The following OPA3 variants were observed in gnomAD, a reference collection of about 807,000 sequenced individuals.
The protein encoded by OPA3 is optic atrophy 3 protein.
A neutral mutation model predicts 4.0 loss-of-function variants in OPA3; 6 were observed. The observed-to-expected ratio is 1.51, with a 90% confidence interval of 0.83 to 2.99. OPA3 has a LOEUF of 2.99. OPA3 is among the 30% of genes most tolerant of loss of function. The probability of loss-of-function intolerance (pLI) is 0.00; values close to 1 mark genes in which losing one functional copy is unlikely to be tolerated. For synonymous variants in OPA3, 105 were observed against 117.1 expected, an observed-to-expected ratio of 0.90 and a Z score of 0.67; for missense variants, 235 against 256.2, an observed-to-expected ratio of 0.92 and a Z score of 0.56.
Position 45,533,851 on chromosome 19 carries a change from C to T in OPA3, c.143-4395G>A, listed in dbSNP as rs1199061637. On this transcript the variant is annotated intron_variant, in intron 1 of 1. Transcript: ENST00000323060. ...CTCCATGCTTCTCCCCGAAAGAAGG[C>T]ACCATAGCCACCATTAAGCAGTGGG... Among the ~76,000 whole-genome samples, 4 of 152,354 alleles carry T rather than the reference C, an allele frequency of 2.6e-5. No homozygotes were observed. The East Asian group carries it at 7.7e-4, about 29-fold the overall frequency.
intron 1 of OPA3, among the ~76,000 whole-genome samples, chr19:45,581,144 T>G (rs1310167427): frequency 6.6e-6 from 1 of 152,106 alleles, no homozygotes; most frequent in Non-Finnish European, 1.5e-5. Flanking sequence ...AAAACAGTTG[T>G]GGGGGTCAAA....
chr19:45,549,134 T>C lies in OPA3; in HGVS notation c.*4380A>G. 1 of 985,302 alleles carries C rather than the reference T, an allele frequency of 1.0e-6. No individual in the cohort carries two copies. Among genetic ancestry groups the C allele is most frequent in the Non-Finnish European group, 1.2e-6 (1 of 829,898 alleles). 61.0% of individuals were successfully genotyped at this position (985,302 alleles called of 1,614,324 possible). On this transcript the variant is annotated 3_prime_UTR_variant, in exon 2 of 2. Coordinates refer to ENST00000263275, the MANE Select transcript of OPA3 (RefSeq NM_025136.4). ...GGACTTTTTAAATATGAAAAAAGAATGCATCAACTTGAAGATAATCAGCTT... is the reference window on the plus strand; with the variant it reads ...GGACTTTTTAAATATGAAAAAAGAACGCATCAACTTGAAGATAATCAGCTT...
chr19:45,540,637 G>A (rs1969175468), intron 1 of OPA3, among the ~76,000 whole-genome samples: 1 of 151,332 alleles, frequency 6.6e-6, no homozygotes, highest in African/African-American at 2.4e-5. Context: ...AGGCTGAGGC[G>A]GGCGGATCAC....
chr19:45,529,160 G>C (rs1208436532), exon 2 of OPA3: 1 of 1,609,790 alleles, frequency 6.2e-7, no homozygotes, highest in Non-Finnish European at 8.5e-7. Flanking sequence ...TCCAGGGCGA[G>C]CTGCGTCGAC....
At chr19:45,545,466 G>A (rs1366769308), downstream of OPA3, among the ~76,000 whole-genome samples, 1 of 151,862 alleles carries the variant, frequency 6.6e-6, no homozygotes, top group Non-Finnish European at 1.5e-5. Context: ...GGGAGGCTGA[G>A]GCTGCAGTGA....
At chr19:45,577,425 AGCAGTGTGAAGAC>A in intron 1 of OPA3, among the ~76,000 whole-genome samples, 1 of 152,342 alleles carries the variant, frequency 6.6e-6, no homozygotes, top group South Asian at 2.1e-4. Flanking sequence ...AAGGGCAATC[AGCAGTGTGAAGAC>A]ACTAATGATG....
At chr19:45,559,214 A>G (rs1363422009) in intron 1 of OPA3, among the ~76,000 whole-genome samples, 10 of 151,734 alleles carry the variant, frequency 6.6e-5, no homozygotes, top group Admixed American at 4.6e-4. Flanking sequence ...ATCTTAACCT[A>G]TAATTTTCCT....
chr19:45,579,989 CTTTTTTTTTTTCT>C (rs1969822902), intron 1 of OPA3, among the ~76,000 whole-genome samples: 1 of 121,144 alleles, frequency 8.3e-6, no homozygotes, highest in South Asian at 2.6e-4. Context: ...CATTTTCTTT[CTTTTTTTTTTTCT>C]TTTTTTTTTT....
At chr19:45,577,198 T>C (rs1969781973) in intron 1 of OPA3, among the ~76,000 whole-genome samples, 1 of 152,242 alleles carries the variant, frequency 6.6e-6, no homozygotes, top group Non-Finnish European at 1.5e-5. Flanking sequence ...CGATGATTTA[T>C]GCTTCTAGCA....
chr19:45,560,686 C>T (rs1969489394), intron 1 of OPA3, among the ~76,000 whole-genome samples: 1 of 152,128 alleles, frequency 6.6e-6, no homozygotes, highest in Non-Finnish European at 1.5e-5. Context: ...TTCCTAAGCC[C>T]TTTTCTCACT....
chr19:45,578,554 G>A (rs976270722), intron 1 of OPA3, among the ~76,000 whole-genome samples: 32 of 152,198 alleles, frequency 2.1e-4, no homozygotes, highest in Middle Eastern at 6.8e-3. Context: ...CGGGCCAGGC[G>A]TGGTGGCTCA....
chr19:45,554,871 A>G (rs1969397246), intron 1 of OPA3, among the ~76,000 whole-genome samples: 3 of 151,844 alleles, frequency 2.0e-5, no homozygotes, highest in African/African-American at 7.3e-5. Context: ...GCTCACTGCA[A>G]CCTCCTCCTC....
At chr19:45,572,339 C>A (rs1969683152) in intron 1 of OPA3, among the ~76,000 whole-genome samples, 1 of 129,470 alleles carries the variant, frequency 7.7e-6, no homozygotes, top group Non-Finnish European at 1.6e-5. Flanking sequence ...CGATATATAT[C>A]TCATATATAT....
chr19:45,581,438 C>T (rs1969854289), intron 1 of OPA3, among the ~76,000 whole-genome samples: 1 of 152,194 alleles, frequency 6.6e-6, no homozygotes, highest in Non-Finnish European at 1.5e-5. Context: ...GTCTCCTCTG[C>T]CAGGAAGCCC....
At chr19:45,533,646 C>T (rs1157560067) in intron 1 of OPA3, among the ~76,000 whole-genome samples, 1 of 152,114 alleles carries the variant, frequency 6.6e-6, no homozygotes, top group Admixed American at 6.5e-5. Context: ...TACTCCAGGG[C>T]AGGCCAGGCC....
At chr19:45,563,155 T>C (rs560904429) in intron 1 of OPA3, among the ~76,000 whole-genome samples, 1 of 152,278 alleles carries the variant, frequency 6.6e-6, no homozygotes, top group South Asian at 2.1e-4. Context: ...TAGTGTATGA[T>C]AACAATTTTT....
At chr19:45,572,543 T>G (rs1308981610) in intron 1 of OPA3, among the ~76,000 whole-genome samples, 4 of 137,528 alleles carry the variant, frequency 2.9e-5, no homozygotes, top group South Asian at 2.2e-4. Context: ...TATCATATGA[T>G]ATATATATCA....
rs1969301640 is a variant in OPA3, at chr19:45,549,536, A to G, written c.*3978T>C. The G allele has an allele frequency of 1.0e-6, 1 of 964,588 alleles. No individual in the cohort carries two copies. Among genetic ancestry groups the G allele is most frequent in the South Asian group, 4.8e-5 (1 of 20,858 alleles). The allele number at this position is 964,588 out of a possible 1,614,324, so 59.8% of individuals were successfully genotyped here. A position where few individuals can be genotyped will look rare whatever the true frequency, so the allele number is the denominator to read the frequency against. On this transcript the variant is annotated 3_prime_UTR_variant, in exon 2 of 2. Coordinates refer to ENST00000263275, the MANE Select transcript of OPA3 (RefSeq NM_025136.4). ...CACTCTGTCACCCAGGCTGGAGTGC[A>G]GTGGCGCGATCTCAGCTCACTGCAA...
chr19:45,543,747 G>A (rs574680754), downstream of OPA3, among the ~76,000 whole-genome samples: 13 of 152,318 alleles, frequency 8.5e-5, no homozygotes, highest in South Asian at 2.5e-3. Flanking sequence ...GATTACAGGT[G>A]TGAACACTGC....
Sources: allele counts gnomAD v4.1 joint callset (sites outside exome capture counted in the v4.1 genomes callset), GRCh38; gene constraint gnomAD v4.1.1; transcripts MANE v1.5; gene names NCBI Gene and HGNC (gene_info 2026-07-23, HGNC 2026-07-21).